Variants in TNFSF4 observed in about 807,000 individuals in gnomAD.
TNFSF4 encodes tumor necrosis factor ligand superfamily member 4.
Under a neutral mutation model 7.3 loss-of-function variants are expected in TNFSF4, and 4 were observed. The ratio of observed to expected loss-of-function variants is 0.55; its 90% CI spans 0.27 to 1.25. The LOEUF is 1.25. Ranked by LOEUF, TNFSF4 falls within the 50% of genes most tolerant of loss-of-function variation. The pLI, the probability that TNFSF4 is intolerant of heterozygous loss-of-function variation, is 0.12. For synonymous variants in TNFSF4, 76 were observed against 83.7 expected (o/e 0.91, Z 0.50); for missense variants, 181 against 208.8 (o/e 0.87, Z 0.82).
chr1:173,319,739 A>C, the TNFSF4 span, among the ~76,000 whole-genome samples: 1 of 152,284 alleles, frequency 6.6e-6, no homozygotes, highest in Admixed American at 6.5e-5. Context: ...ACCTCCAACA[A>C]ACTGAAGCAG....
At position 173,199,706 on chromosome 1, in the gene TNFSF4, A is replaced by G. The variant is rs187711992; in HGVS notation, c.153+7318T>C. On this transcript the variant is annotated intron_variant, in intron 1 of 2. Coordinates refer to ENST00000281834, the MANE Select transcript of TNFSF4 (RefSeq NM_003326.5). ...CCAGATTGTAGTAATCTGTTCCAAT[A>G]GCCCTAAGAAACTTCTTCATGGTTG... Among the ~76,000 whole-genome samples the G allele has an allele frequency of 7.9e-5, 12 of 152,356 alleles. No individual in the cohort carries two copies. The East Asian group carries it at 1.9e-3, about 24-fold the overall frequency.
At chr1:173,363,226 C>A in the TNFSF4 span, 2 of 289,284 alleles carry the variant, frequency 6.9e-6, no homozygotes. Context: ...ATTGTATCGC[C>A]ATTCTCTTTC....
At chr1:173,182,240 A>ATAG (rs1553210370), downstream of TNFSF4, among the ~76,000 whole-genome samples, 12 of 145,576 alleles carry the variant, frequency 8.2e-5, no homozygotes, top group African/African-American at 3.4e-4. Flanking sequence ...TTCAACTGAT[A>ATAG]GAAAAAATAA....
At chr1:173,388,443 C>CTGGACACACTT in the TNFSF4 span, among the ~76,000 whole-genome samples, 311 of 152,346 alleles carry the variant, frequency 2.0e-3, no homozygotes, top group African/African-American at 6.1e-3. Context: ...GTCCAGGGCC[C>CTGGACACACTT]TCACAGGGTT....
chr1:173,340,766 G>T, the TNFSF4 span, among the ~76,000 whole-genome samples: 1 of 151,640 alleles, frequency 6.6e-6, no homozygotes, highest in Non-Finnish European at 1.5e-5. Context: ...AAAATAGATG[G>T]GTAGGCTTTC....
the TNFSF4 span, among the ~76,000 whole-genome samples, chr1:173,375,852 A>G: frequency 2.0e-5 from 3 of 152,070 alleles, no homozygotes; most frequent in Non-Finnish European, 4.4e-5. Context: ...AATAAACTTT[A>G]CTACCACTCA....
rs1650235702 is a variant in TNFSF4, at chr1:173,207,250, G to T, written c.-74C>A. On this transcript the variant is annotated 5_prime_UTR_variant, in exon 1 of 3. In the 5' UTR this introduces an upstream ATG that the reference lacks. Transcript: ENST00000281834. ...TGCGATAAAACTGAAGTTTTCCCCA[G>T]AAAGAAGGAGGTAAAGACAAAACAA... 2.1e-6 allele frequency: 3 copies of T among 1,444,146 alleles called. No individual in the cohort carries two copies. The highest frequency in any genetic ancestry group is 1.3e-5 in the South Asian group (1 of 76,212). 89.5% of individuals were successfully genotyped at this position (1,444,146 alleles called of 1,614,324 possible).
chr1:173,411,106 T>C, the TNFSF4 span, among the ~76,000 whole-genome samples: 1 of 152,214 alleles, frequency 6.6e-6, no homozygotes, highest in Non-Finnish European at 1.5e-5. Flanking sequence ...GAAGTCTCTG[T>C]TGCTGCGGAC....
chr1:173,282,739 G>A, the TNFSF4 span, among the ~76,000 whole-genome samples: 5 of 152,140 alleles, frequency 3.3e-5, no homozygotes, highest in African/African-American at 1.2e-4. Context: ...TTACAGGCGT[G>A]AGCTACCACA....
chr1:173,214,744 G>T, the TNFSF4 span, among the ~76,000 whole-genome samples: 1 of 152,226 alleles, frequency 6.6e-6, no homozygotes, highest in African/African-American at 2.4e-5. Flanking sequence ...ATGAATGGGA[G>T]TACATCTTCC....
the TNFSF4 span, among the ~76,000 whole-genome samples, chr1:173,220,163 C>G: frequency 6.6e-6 from 1 of 152,074 alleles, no homozygotes; most frequent in African/African-American, 2.4e-5. Flanking sequence ...ATATCGTTCT[C>G]TTGATGAAAA....
chr1:173,417,457 T>A, the TNFSF4 span, among the ~76,000 whole-genome samples: 1 of 152,246 alleles, frequency 6.6e-6, no homozygotes. Context: ...ATAATTTTTT[T>A]AGGGAGAGAT....
chr1:173,407,123 G>A, the TNFSF4 span, among the ~76,000 whole-genome samples: 1 of 152,034 alleles, frequency 6.6e-6, no homozygotes, highest in East Asian at 1.9e-4. Flanking sequence ...TGGCCACTGG[G>A]GAGGCAGGTG....
chr1:173,364,243 G>A, the TNFSF4 span, among the ~76,000 whole-genome samples: 9 of 79,224 alleles, frequency 1.1e-4, no homozygotes, highest in African/African-American at 1.9e-4. Flanking sequence ...ATATATATAT[G>A]TACTGATGTG....
the TNFSF4 span, among the ~76,000 whole-genome samples, chr1:173,401,175 A>G: frequency 3.7e-4 from 56 of 152,342 alleles, no homozygotes; most frequent in African/African-American, 1.3e-3. Context: ...AACCTCACTC[A>G]AGTGCTTTAA....
the TNFSF4 span, among the ~76,000 whole-genome samples, chr1:173,393,504 A>T: frequency 2.0e-5 from 3 of 152,182 alleles, no homozygotes; most frequent in African/African-American, 7.2e-5. Context: ...CCCCATGGTA[A>T]GGTCCAAACC....
At chr1:173,406,630 T>C in the TNFSF4 span, among the ~76,000 whole-genome samples, 1 of 152,212 alleles carries the variant, frequency 6.6e-6, no homozygotes, top group East Asian at 1.9e-4. Context: ...CACTATTTCT[T>C]CAGAATTTAA....
At chr1:173,353,136 G>A in the TNFSF4 span, among the ~76,000 whole-genome samples, 16 of 152,218 alleles carry the variant, frequency 1.1e-4, no homozygotes, top group Non-Finnish European at 1.9e-4. Context: ...TGCAGTCAAC[G>A]CAATCATCAC....
chr1:173,416,747 C>G, the TNFSF4 span, among the ~76,000 whole-genome samples: 2 of 151,896 alleles, frequency 1.3e-5, no homozygotes, highest in Non-Finnish European at 2.9e-5. Flanking sequence ...CAGATGTGCG[C>G]CAGCATGCCC....
Sources: allele counts gnomAD v4.1 joint callset (sites outside exome capture counted in the v4.1 genomes callset), GRCh38; gene constraint gnomAD v4.1.1; transcripts MANE v1.5; gene names NCBI Gene and HGNC (gene_info 2026-07-23, HGNC 2026-07-21).